The following VRTN variants were observed in gnomAD, a reference collection of about 807,000 sequenced individuals.
VRTN encodes the protein vertnin.
VRTN carries 5 observed loss-of-function variants against 18.2 expected under a neutral mutation model. That is an observed-to-expected ratio of 0.27 (90% CI 0.14 to 0.58). The LOEUF (loss-of-function observed/expected upper bound fraction) is 0.58. Ranked by LOEUF, VRTN falls within the 20% of genes least tolerant of loss-of-function variation. VRTN has a pLI of 0.91. For missense variants in VRTN, 741 were observed against 939.4 expected, an observed-to-expected ratio of 0.79 and a Z score of 2.76; for synonymous variants, 381 against 393.7, an observed-to-expected ratio of 0.97 and a Z score of 0.38.
chr14:74,310,752 G>A (rs2085383013), intron 1 of VRTN, among the ~76,000 whole-genome samples: 1 of 152,012 alleles, frequency 6.6e-6, no homozygotes, highest in Non-Finnish European at 1.5e-5. Flanking sequence ...TGGCCAGTCT[G>A]GTCTCAAACT....
intron 1 of VRTN, among the ~76,000 whole-genome samples, chr14:74,352,668 C>T (rs2085694150): frequency 6.6e-6 from 1 of 152,154 alleles, no homozygotes; most frequent in African/African-American, 2.4e-5. Flanking sequence ...CTGCCTCAGC[C>T]TCCCAAAGTG....
intron 1 of VRTN, among the ~76,000 whole-genome samples, chr14:74,332,137 A>AG (rs1185560737): frequency 6.6e-6 from 1 of 152,044 alleles, no homozygotes; most frequent in African/African-American, 2.4e-5. Context: ...GGGAGATGTT[A>AG]GGGGTTTTGG....
intron 1 of VRTN, among the ~76,000 whole-genome samples, chr14:74,329,245 A>C (rs917593036): frequency 6.6e-6 from 1 of 150,944 alleles, no homozygotes; most frequent in Non-Finnish European, 1.5e-5. Flanking sequence ...ACTGCACTCC[A>C]GCCTGGGCGA....
chr14:74,355,239 G>A (rs1439393303), intron 1 of VRTN, among the ~76,000 whole-genome samples: 1 of 151,644 alleles, frequency 6.6e-6, no homozygotes, highest in Non-Finnish European at 1.5e-5. Context: ...GCAAATAGTT[G>A]TTTCCCTTGA....
At chr14:74,304,144 C>T (rs891558276) in intron 1 of VRTN, among the ~76,000 whole-genome samples, 1 of 151,484 alleles carries the variant, frequency 6.6e-6, no homozygotes, top group Non-Finnish European at 1.5e-5. Context: ...AGCCACCGCT[C>T]CTGGCCTTTT....
chr14:74,303,842 GATTTT>G (rs1397772812), intron 1 of VRTN, among the ~76,000 whole-genome samples: 2 of 120,870 alleles, frequency 1.7e-5, no homozygotes, highest in African/African-American at 7.9e-5. Context: ...GACAATTACA[GATTTT>G]TTTTTTTTTT....
chr14:74,354,622 C>G (rs368906019), intron 1 of VRTN, among the ~76,000 whole-genome samples: 59 of 151,862 alleles, frequency 3.9e-4, no homozygotes, highest in African/African-American at 1.4e-3. Flanking sequence ...CCAGGATGGT[C>G]TCGATCTCCT....
Position 74,358,671 on chromosome 14 carries a change from G to C in VRTN, c.1888G>C (p.Val630Leu), listed in dbSNP as rs1288281642. ...HSGPLLSQPV[V>L]AAAGGRDGRM... Reference sequence around the variant, plus strand: ...TGGGCCCTTGCTGAGCCAACCTGTGGTGGCAGCAGCGGGTGGCAGGGATGG... The same window carrying C: ...TGGGCCCTTGCTGAGCCAACCTGTGCTGGCAGCAGCGGGTGGCAGGGATGG... Residue 630 changes from valine to leucine, a missense_variant, in exon 2 of 2, where the codon GTG (valine) becomes CTG (leucine). Transcript: ENST00000256362. This position sits in a 1 kb window ranked among gnomAD's most constrained non-coding sequence, Gnocchi z 5.4. 1.2e-6 allele frequency: 2 copies of C among 1,613,018 alleles called. No individual in the cohort carries two copies. The highest frequency in any genetic ancestry group is 1.7e-6 in the Non-Finnish European group (2 of 1,179,508).
At chr14:74,322,918 G>A (rs1279415825) in intron 1 of VRTN, among the ~76,000 whole-genome samples, 5 of 152,186 alleles carry the variant, frequency 3.3e-5, no homozygotes, top group African/African-American at 4.8e-5. Flanking sequence ...CAGATCACCT[G>A]AGGTCAGGAG....
intron 1 of VRTN, among the ~76,000 whole-genome samples, chr14:74,355,333 C>A (rs2085718381): frequency 6.6e-6 from 1 of 152,026 alleles, no homozygotes; most frequent in Non-Finnish European, 1.5e-5. Context: ...ATTAGACTTT[C>A]TTTCAAGTAA....
chr14:74,322,869 C>T (rs148290949), intron 1 of VRTN, among the ~76,000 whole-genome samples: 94 of 152,300 alleles, frequency 6.2e-4, no homozygotes, highest in African/African-American at 2.2e-3. Flanking sequence ...CACGGTGGCT[C>T]ACGCCTGTAA....
Position 74,312,916 on chromosome 14 carries a change from T to C in VRTN, c.-164+9740T>C, listed in dbSNP as rs540911155. Among the ~76,000 whole-genome samples the C allele has an allele frequency of 5.9e-5, 9 of 152,230 alleles. No individual in the cohort carries two copies. The East Asian group carries it at 9.7e-4, about 16-fold the overall frequency. Reference sequence around the variant, plus strand: ...CTCCACCACGCCTGGCTAAGTTTTATATTTTTAGTAGGGACAGGGTTCCAC... The same window carrying C: ...CTCCACCACGCCTGGCTAAGTTTTACATTTTTAGTAGGGACAGGGTTCCAC... On this transcript the variant is annotated intron_variant, in intron 1 of 2. Transcript: ENST00000557177.
intron 1 of VRTN, among the ~76,000 whole-genome samples, chr14:74,353,831 T>TCAG (rs2085704083): frequency 1.3e-5 from 2 of 152,070 alleles, no homozygotes; most frequent in Admixed American, 1.3e-4. Context: ...CACGCCATTC[T>TCAG]CCTGCCTCAG....
chr14:74,340,113 T>A (rs1209595644), intron 2 of VRTN, among the ~76,000 whole-genome samples: 1 of 146,910 alleles, frequency 6.8e-6, no homozygotes, highest in Admixed American at 6.8e-5. Context: ...TGTTTGTATT[T>A]TTTTTTTTTT....
At chr14:74,350,227 A>C (rs899377618) in intron 1 of VRTN, among the ~76,000 whole-genome samples, 2 of 152,036 alleles carry the variant, frequency 1.3e-5, no homozygotes, top group Admixed American at 6.6e-5. Flanking sequence ...GGGCGAATCC[A>C]TCTGTGGGTT....
intron 1 of VRTN, among the ~76,000 whole-genome samples, chr14:74,324,387 C>CAAAAA (rs34158619): frequency 1.1e-4 from 8 of 73,188 alleles, no homozygotes; most frequent in Admixed American, 1.8e-4. Flanking sequence ...GACTCTGACT[C>CAAAAA]AAAAAAAAAA....
intron 1 of VRTN, among the ~76,000 whole-genome samples, chr14:74,334,928 ACAAAGAGTATGATTCCTGCCTT>A (rs1443183886): frequency 6.6e-6 from 1 of 152,186 alleles, no homozygotes; most frequent in Non-Finnish European, 1.5e-5. Context: ...GAATACGAAG[ACAAAGAGTATGATTCCTGCCTT>A]CAAAGAAATC....
chr14:74,315,518 G>A (rs532592615), intron 1 of VRTN, among the ~76,000 whole-genome samples: 2 of 152,278 alleles, frequency 1.3e-5, no homozygotes, highest in Admixed American at 6.5e-5. Context: ...GGGCAACATA[G>A]CATGACCCTG....
At chr14:74,313,934 A>G (rs1411543453) in intron 1 of VRTN, among the ~76,000 whole-genome samples, 2 of 152,150 alleles carry the variant, frequency 1.3e-5, no homozygotes, top group African/African-American at 4.8e-5. Context: ...ACACTGTCTC[A>G]AAAACAAAAA....
Sources: gnomAD v4.1 joint callset for allele counts (sites outside exome capture counted in the v4.1 genomes callset) on GRCh38, gnomAD v4.1.1 for gene constraint, Gnocchi (gnomAD v3.1) non-coding constraint, MANE v1.5 for transcripts, NCBI Gene and HGNC (gene_info 2026-07-23, HGNC 2026-07-21) for gene names.